The following STK32C variants were observed in gnomAD, a reference collection of about 807,000 sequenced individuals.
STK32C encodes the protein serine/threonine-protein kinase 32C.
In STK32C, 31 loss-of-function variants were observed where a neutral mutation model predicts 56.5. That is an observed-to-expected ratio of 0.55 (90% CI 0.41 to 0.74). STK32C has a LOEUF of 0.74. Ranked by LOEUF, STK32C falls within the 30% of genes least tolerant of loss-of-function variation. STK32C has a pLI of 0.00. For missense variants in STK32C, 544 were observed against 676.9 expected (o/e 0.80, Z 2.18); for synonymous variants, 309 against 289.4 (o/e 1.07, Z -0.69).
rs1467262749 is a variant in STK32C, at chr10:132,245,922, A to G, written c.296T>C (p.Ile99Thr). Reference sequence around the variant, plus strand: ...TACCTTGCCAAAGCTGCCCTTCCCAATGGCCCGAAGGATCTGGAAGTGGTC... The same window carrying G: ...TACCTTGCCAAAGCTGCCCTTCCCAGTGGCCCGAAGGATCTGGAAGTGGTC... ...NFDHFQILRA[I>T]GKGSFGKVCI... The change falls in exon 2 of 12, where the codon ATT becomes ACT. Residue 99 changes from isoleucine (I) to threonine (T), a missense_variant. Ile to Thr is a moderately conservative substitution (Grantham distance 89). Transcript: ENST00000298630. 6.2e-7 allele frequency: 1 copy of G among 1,613,510 alleles called. No individual in the cohort carries two copies. The highest frequency in any genetic ancestry group is 8.5e-7 in the Non-Finnish European group (1 of 1,179,988).
At chr10:132,308,197 C>T (rs1310625010), upstream of STK32C, among the ~76,000 whole-genome samples, 1 of 152,054 alleles carries the variant, frequency 6.6e-6, no homozygotes, top group African/African-American at 2.4e-5. Flanking sequence ...GGGATGGGGG[C>T]TGTGGTTCGC....
intron 1 of STK32C, among the ~76,000 whole-genome samples, chr10:132,325,545 T>G (rs2066481113): frequency 7.1e-6 from 1 of 140,730 alleles, no homozygotes. Context: ...AGAGCAAGAG[T>G]CCGTCTTAAA....
At chr10:132,248,486 C>T (rs2063767815) in intron 1 of STK32C, among the ~76,000 whole-genome samples, 1 of 152,248 alleles carries the variant, frequency 6.6e-6, no homozygotes, top group Admixed American at 6.5e-5. Flanking sequence ...GACCCTCTGT[C>T]CACCTAGGCT....
At chr10:132,214,273 G>A (rs990947598) in intron 10 of STK32C, among the ~76,000 whole-genome samples, 3 of 148,918 alleles carry the variant, frequency 2.0e-5, no homozygotes, top group Admixed American at 6.7e-5. Flanking sequence ...GCTGGGGGTG[G>A]GGGGTGGCGA....
At chr10:132,226,346 T>C (rs896820386) in intron 4 of STK32C, among the ~76,000 whole-genome samples, 1 of 152,272 alleles carries the variant, frequency 6.6e-6, no homozygotes, top group South Asian at 2.1e-4. Context: ...ATCTGCTTCC[T>C]ATTTTCTTTT....
chr10:132,305,958 G>A (rs150233207), intron 1 of STK32C, among the ~76,000 whole-genome samples: 74 of 152,304 alleles, frequency 4.9e-4, no homozygotes, highest in Admixed American at 3.3e-4. Flanking sequence ...AATCTCTGCC[G>A]TCCTACTACA....
chr10:132,285,347 G>A (rs1722707800), intron 1 of STK32C, among the ~76,000 whole-genome samples: 1 of 152,252 alleles, frequency 6.6e-6, no homozygotes, highest in South Asian at 2.1e-4. Flanking sequence ...GAGAAAATTA[G>A]CAACACTGTA....
At chr10:132,296,922 T>G (rs2065765951) in intron 1 of STK32C, among the ~76,000 whole-genome samples, 1 of 152,130 alleles carries the variant, frequency 6.6e-6, no homozygotes, top group Non-Finnish European at 1.5e-5. Context: ...TCAGGGCCAG[T>G]GGGGAGACCA....
intron 1 of STK32C, among the ~76,000 whole-genome samples, chr10:132,280,864 T>C (rs888671016): frequency 2.6e-4 from 28 of 108,800 alleles, no homozygotes; most frequent in East Asian, 9.1e-4. Flanking sequence ...GAGGCCTCCA[T>C]GCCGTGACCA....
intron 1 of STK32C, among the ~76,000 whole-genome samples, chr10:132,296,961 G>A (rs772084373): frequency 1.3e-5 from 2 of 151,426 alleles, no homozygotes; most frequent in African/African-American, 2.4e-5. Flanking sequence ...AGGAGAGGCA[G>A]CCCAGAGACA....
chr10:132,272,603 G>A (rs7095200), intron 1 of STK32C, among the ~76,000 whole-genome samples: 7,714 of 152,130 alleles, frequency 0.051, 229 homozygotes, highest in South Asian at 0.11. Context: ...TCCTTCAAGC[G>A]TTCCCAGACT....
intron 1 of STK32C, among the ~76,000 whole-genome samples, chr10:132,330,933 T>A (rs1478913636): frequency 4.0e-5 from 6 of 151,314 alleles, no homozygotes; most frequent in Non-Finnish European, 8.8e-5. Context: ...CCGGGCACGG[T>A]GGCTCATGCC....
At chr10:132,286,257 T>C (rs1441173682) in intron 1 of STK32C, among the ~76,000 whole-genome samples, 2 of 152,110 alleles carry the variant, frequency 1.3e-5, no homozygotes, top group Non-Finnish European at 1.5e-5. Context: ...ATCTGAATAA[T>C]CCTTTATCTC....
At chr10:132,270,917 C>T (rs573507628) in intron 1 of STK32C, among the ~76,000 whole-genome samples, 1 of 150,848 alleles carries the variant, frequency 6.6e-6, no homozygotes, top group African/African-American at 2.5e-5. Flanking sequence ...GATGCAGCCC[C>T]CCTCCAGAGC....
intron 10 of STK32C, among the ~76,000 whole-genome samples, chr10:132,210,369 G>A (rs150684998): frequency 2.0e-3 from 310 of 152,360 alleles, no homozygotes; most frequent in Non-Finnish European, 2.8e-3. Context: ...TGATTCTGCT[G>A]CCTCAGCCTC....
chr10:132,290,193 C>T (rs2065522403), intron 1 of STK32C, among the ~76,000 whole-genome samples: 1 of 152,196 alleles, frequency 6.6e-6, no homozygotes, highest in South Asian at 2.1e-4. Context: ...CTGGGCCATG[C>T]CTCCCCGCTG....
chr10:132,320,463 G>C (rs2066384659), downstream of STK32C, among the ~76,000 whole-genome samples: 1 of 152,072 alleles, frequency 6.6e-6, no homozygotes, highest in African/African-American at 2.4e-5. Context: ...TGGGAAGAGG[G>C]TGGGTCCACA....
chr10:132,228,133 A>G lies in STK32C; in HGVS notation c.319-5T>C. 1 of 1,613,864 alleles carries G rather than the reference A, an allele frequency of 6.2e-7. No individual in the cohort carries two copies. The highest frequency in any genetic ancestry group is 1.1e-5 in the South Asian group (1 of 91,078). ...CCGCTTCTGCACAATGCACACCTGG[A>G]GGGCACAGGGCTGTTCGGCAGGACG... is the stretch of plus-strand genomic sequence containing the variant. On this transcript the variant is annotated splice_polypyrimidine_tract_variant and splice_region_variant and intron_variant, in intron 2 of 11. Transcript: ENST00000298630.
At position 132,222,919 on chromosome 10, in the gene STK32C, G is replaced by T; in HGVS notation, c.1061C>A (p.Ala354Asp). 1 of 1,560,464 alleles carries T rather than the reference G, an allele frequency of 6.4e-7. No homozygotes were observed. The change falls in exon 9 of 12, where the codon GCC becomes GAC. Residue 354 changes from alanine to aspartate, a missense_variant. This residue lies in a region of STK32C where 277 missense variants were observed against 309.3 expected (regional missense o/e 0.90). Coordinates refer to ENST00000298630, the MANE Select transcript of STK32C (RefSeq NM_173575.4). ...LQDVQAAPAL[A>D]GVLWDHLSEK... ...GCTCAGGTGGTCCCACAGCACGCCG[G>T]CCAGCGCCGGGGCTGCCTGCACGTC...
Sources: allele counts gnomAD v4.1 joint callset (sites outside exome capture counted in the v4.1 genomes callset), GRCh38; gene constraint gnomAD v4.1.1; regional missense constraint gnomAD v4.1.1; transcripts MANE v1.5; gene names NCBI Gene and HGNC (gene_info 2026-07-23, HGNC 2026-07-21).